PLEKHG7: variants seen among roughly 807,000 people sequenced by gnomAD.
PLEKHG7 encodes pleckstrin homology and RhoGEF domain containing G7.
A neutral mutation model predicts 85.2 loss-of-function variants in PLEKHG7; 77 were observed. The observed-to-expected ratio is 0.90, with a 90% CI of 0.75 to 1.09. The LOEUF (loss-of-function observed/expected upper bound fraction) is 1.09, where lower values mean the gene tolerates loss of function less well. Among genes scored for constraint, PLEKHG7 ranks in the 50% least tolerant of loss-of-function variants. The pLI, the probability that PLEKHG7 is intolerant of heterozygous loss-of-function variation, is 0.00. For missense variants in PLEKHG7, 777 were observed against 804.3 expected (o/e 0.97, Z 0.41); for synonymous variants, 301 against 302.4 (o/e 1.00, Z 0.05).
chr12:92,707,492 G>T (rs1871270871), intron 2 of PLEKHG7, 158 bp from the exon 3 acceptor site: 2 of 1,458,112 alleles, frequency 1.4e-6, no homozygotes, highest in Non-Finnish European at 1.8e-6. Context: ...TGATTTAAAA[G>T]GGGAGAAAGA....
chr12:92,703,674 C>T (rs933086575), intron 1 of PLEKHG7, among the ~76,000 whole-genome samples: 2 of 152,234 alleles, frequency 1.3e-5, no homozygotes, highest in African/African-American at 4.8e-5. Flanking sequence ...TTGAGCTCTT[C>T]CTGCCTTTCT....
At chr12:92,756,229 C>T (rs1301154854) in intron 12 of PLEKHG7, 69 bp from the exon 13 acceptor site, 1 of 1,212,090 alleles carries the variant, frequency 8.3e-7, no homozygotes, top group Non-Finnish European at 1.2e-6. Context: ...TTAATTGCCC[C>T]AGCTTTTTAA....
chr12:92,737,439 T>G lies in PLEKHG7; in HGVS notation c.857T>G (p.Leu286Arg). The change falls in exon 7 of 17, where the codon CTG (leucine) becomes CGG (arginine). Residue 286 changes from leucine to arginine, a missense_variant. By Grantham distance (102) the Leu-to-Arg change is moderately radical. Transcript: ENST00000344636. ...AAACTCCCGACCGATCAATTAGACCTGAAAAAGCAGCAAGAGGCCGTGTGG... is the reference window on the plus strand; with the variant it reads ...AAACTCCCGACCGATCAATTAGACCGGAAAAAGCAGCAAGAGGCCGTGTGG... ...HHKLPTDQLD[L>R]KKQQEAVWEL... The G allele has an allele frequency of 6.3e-7, 1 of 1,584,402 alleles. No individual in the cohort carries two copies. Among genetic ancestry groups the G allele is most frequent in the Non-Finnish European group, 8.5e-7 (1 of 1,171,736 alleles).
chr12:92,725,000 C>G (rs1476685499), intron 3 of PLEKHG7, among the ~76,000 whole-genome samples: 2 of 151,904 alleles, frequency 1.3e-5, no homozygotes, highest in African/African-American at 4.8e-5. Context: ...AATAGAAGAG[C>G]AGAGAAAAGG....
At chr12:92,710,823 A>G (rs1374727348) in intron 3 of PLEKHG7, among the ~76,000 whole-genome samples, 1 of 152,218 alleles carries the variant, frequency 6.6e-6, no homozygotes, top group Non-Finnish European at 1.5e-5. Flanking sequence ...GGGCAATGAC[A>G]GGGGCAGCTG....
chr12:92,705,881 A>G (rs911193212), intron 1 of PLEKHG7, among the ~76,000 whole-genome samples: 9 of 152,148 alleles, frequency 5.9e-5, no homozygotes, highest in Non-Finnish European at 1.3e-4. Context: ...ACCTCCAATC[A>G]TGAACAGTAG....
At chr12:92,743,615 G>A (rs150080932) in intron 9 of PLEKHG7, among the ~76,000 whole-genome samples, 2,376 of 152,182 alleles carry the variant, frequency 0.016, 59 homozygotes, top group African/African-American at 0.054. Flanking sequence ...TCTGGAGTGC[G>A]GTGGCACGAT....
chr12:92,764,946 G>A (rs1873147272), intron 15 of PLEKHG7, among the ~76,000 whole-genome samples: 1 of 152,078 alleles, frequency 6.6e-6, no homozygotes, highest in Non-Finnish European at 1.5e-5. Context: ...CTCTGCCTTG[G>A]CTAGAGGCTC....
At chr12:92,756,486 C>A in intron 13 of PLEKHG7, 95 bp downstream of exon 13, 1 of 978,518 alleles carries the variant, frequency 1.0e-6, no homozygotes, top group Non-Finnish European at 1.6e-6. Flanking sequence ...CTTGTGTTTG[C>A]CTATGTTCCA....
At position 92,756,534 on chromosome 12, in the gene PLEKHG7, T is replaced by A. The variant is rs142575525; in HGVS notation, c.1636+143T>A. ...TGTGAATGAGAGAGTCCCTATGGAGTCACACAGACTCAGGCTTGAATGAAG... is the reference window on the plus strand; with the variant it reads ...TGTGAATGAGAGAGTCCCTATGGAGACACACAGACTCAGGCTTGAATGAAG... On this transcript the variant is annotated intron_variant, in intron 13 of 16. Transcript: ENST00000344636. The A allele has an allele frequency of 4.9e-5, 33 of 669,300 alleles. No individual in the cohort carries two copies. The East Asian group carries it at 8.2e-4, about 17-fold the overall frequency. The allele number at this position is 669,300 out of a possible 1,614,324, so 41.5% of individuals were successfully genotyped here. A position where few individuals can be genotyped will look rare whatever the true frequency, so the allele number is the denominator to read the frequency against.
At position 92,706,453 on chromosome 12, in the gene PLEKHG7, T is replaced by C; in HGVS notation, c.-161-18T>C. On this transcript the variant is annotated intron_variant, in intron 1 of 16. Coordinates refer to ENST00000344636, the MANE Select transcript of PLEKHG7 (RefSeq NM_001377329.1). ...CTCATTTGCTACATATTTCACAGTC[T>C]GCTCTTCCTCACTACAGATGCAATA... The C allele has an allele frequency of 3.0e-6, 2 of 676,158 alleles. No homozygotes were observed. The highest frequency in any genetic ancestry group is 2.8e-5 in the South Asian group (1 of 35,408). 41.9% of individuals were successfully genotyped at this position (676,158 alleles called of 1,614,324 possible).
rs1476841000 is a variant in PLEKHG7 at position 92,728,948 on chromosome 12, A to G, written c.531-45A>G. 15 of 1,210,508 alleles carry G rather than the reference A, an allele frequency of 1.2e-5. No homozygotes were observed. The South Asian group carries it at 5.9e-4, about 47-fold the overall frequency. 75.0% of individuals were successfully genotyped at this position (1,210,508 alleles called of 1,614,324 possible). On this transcript the variant is annotated intron_variant, in intron 3 of 16. Coordinates refer to ENST00000344636, the MANE Select transcript of PLEKHG7 (RefSeq NM_001377329.1). Reference sequence around the variant, plus strand: ...TAAAAATAGCCATTCTGAGTGGTCTAAGATGATATTTCGGTGTGGTTTTCC... The same window carrying G: ...TAAAAATAGCCATTCTGAGTGGTCTGAGATGATATTTCGGTGTGGTTTTCC...
At position 92,706,761 on chromosome 12, in the gene PLEKHG7, C is replaced by T. The variant is rs1334914674; in HGVS notation, c.130C>T (p.Arg44Cys). 27 of 1,614,046 alleles carry T rather than the reference C, an allele frequency of 1.7e-5. No individual in the cohort carries two copies. The highest frequency in any genetic ancestry group is 2.3e-5 in the Non-Finnish European group (27 of 1,180,022). ...CCAGTTTGACCGGCAAGCCCCAGGC[C>T]GCATCTCCACCTCGCCCACTTTGAG... ...LLQFDRQAPG[R>C]ISTSPTLRRL... Residue 44 changes from arginine (R) to cysteine (C), a missense_variant, in exon 2 of 17, where the codon CGC (arginine) becomes TGC (cysteine). Transcript: ENST00000344636.
chr12:92,767,451 A>G (rs893215681), intron 15 of PLEKHG7, among the ~76,000 whole-genome samples: 3 of 152,144 alleles, frequency 2.0e-5, no homozygotes, highest in Non-Finnish European at 2.9e-5. Flanking sequence ...CTCACTTGCT[A>G]CAGGGAATTT....
At chr12:92,749,126 G>A (rs541748912) in intron 10 of PLEKHG7, among the ~76,000 whole-genome samples, 24 of 152,258 alleles carry the variant, frequency 1.6e-4, no homozygotes, top group African/African-American at 5.8e-4. Context: ...GTAAACCTAT[G>A]CCATGTTATG....
chr12:92,757,892 G>A (rs1022081414), intron 13 of PLEKHG7, among the ~76,000 whole-genome samples: 1 of 152,180 alleles, frequency 6.6e-6, no homozygotes, highest in Non-Finnish European at 1.5e-5. Context: ...TTGTTAATAA[G>A]CAGTGTTCAA....
rs562408579 is a variant in PLEKHG7, at chr12:92,717,367, A to T, written c.530+9695A>T. On this transcript the variant is annotated intron_variant, in intron 3 of 16. Transcript: ENST00000344636. ...AAGTCAGAGTCATCTGGGGTTACCAATAGGGGGCAGCAGGACCTGGAGTTA... is the reference window on the plus strand; with the variant it reads ...AAGTCAGAGTCATCTGGGGTTACCATTAGGGGGCAGCAGGACCTGGAGTTA... Among the ~76,000 whole-genome samples the T allele has an allele frequency of 3.2e-4, 49 of 152,340 alleles. No homozygotes were observed. The South Asian group carries it at 9.9e-3, about 31-fold the overall frequency.
At chr12:92,739,561 G>A (rs1334942695) in intron 7 of PLEKHG7, among the ~76,000 whole-genome samples, 4 of 152,170 alleles carry the variant, frequency 2.6e-5, no homozygotes, top group Non-Finnish European at 5.9e-5. Flanking sequence ...GACATTTCCT[G>A]TTTAAGAAAA....
At chr12:92,758,476 G>A (rs982374213) in intron 13 of PLEKHG7, among the ~76,000 whole-genome samples, 2 of 152,212 alleles carry the variant, frequency 1.3e-5, no homozygotes, top group African/African-American at 4.8e-5. Context: ...GGCATAATGA[G>A]AACCCACATG....
Sources: allele counts gnomAD v4.1 joint callset (sites outside exome capture counted in the v4.1 genomes callset), GRCh38; gene constraint gnomAD v4.1.1; transcripts MANE v1.5; gene names NCBI Gene and HGNC (gene_info 2026-07-23, HGNC 2026-07-21).